SDE2: variants seen among roughly 807,000 people sequenced by gnomAD.
SDE2 encodes the protein spliceosome associated SDE2.
A neutral mutation model predicts 46.9 loss-of-function variants in SDE2; 31 were observed. The observed-to-expected ratio is 0.66, with a 90% confidence interval of 0.50 to 0.89. The LOEUF (loss-of-function observed/expected upper bound fraction) is 0.89. Ranked by LOEUF, SDE2 falls within the 40% of genes least tolerant of loss-of-function variation. SDE2 has a pLI of 0.00. For synonymous variants in SDE2, 205 were observed against 204.3 expected (o/e 1.00, Z -0.03); for missense variants, 542 against 564.4 (o/e 0.96, Z 0.40).
chr1:225,999,272 C>A lies in SDE2; in HGVS notation c.41G>T (p.Gly14Val). The stretch of plus-strand genomic sequence containing the variant: ...ACACCGCACCGCCTTGCACCCGAAG[C>A]CAGGGCCGCGAATCCACACCAGCGC... ...AAALVWIRGP[G>V]FGCKAVRCAS... Residue 14 changes from glycine to valine, a missense_variant, in exon 1 of 7, where the codon GGC becomes GTC. Coordinates refer to ENST00000272091, the MANE Select transcript of SDE2 (RefSeq NM_152608.4). 1 of 1,612,822 alleles carries A rather than the reference C, an allele frequency of 6.2e-7. No homozygotes were observed. The highest frequency in any genetic ancestry group is 1.1e-5 in the South Asian group (1 of 90,952).
At chr1:225,995,430 T>A in intron 1 of SDE2, 47 bp from the exon 2 acceptor site, 1 of 964,800 alleles carries the variant, frequency 1.0e-6, no homozygotes, top group Non-Finnish European at 1.7e-6. Context: ...GATAATAATC[T>A]AAGTTTGTTA....
At chr1:225,987,510 G>A (rs1460652396) in intron 6 of SDE2, among the ~76,000 whole-genome samples, 2 of 152,030 alleles carry the variant, frequency 1.3e-5, no homozygotes, top group Non-Finnish European at 2.9e-5. Flanking sequence ...ATTTAGTGAC[G>A]GGAAAAATGA....
chr1:225,993,104 C>A, intron 2 of SDE2, 102 bp from the exon 3 acceptor site: 10 of 453,642 alleles, frequency 2.2e-5, no homozygotes, highest in East Asian at 3.9e-5. Context: ...ACAATGATCT[C>A]TACTTTCTTT....
chr1:225,993,577 A>G (rs1267470256), intron 2 of SDE2, among the ~76,000 whole-genome samples: 1 of 151,278 alleles, frequency 6.6e-6, no homozygotes, highest in Non-Finnish European at 1.5e-5. Flanking sequence ...GTGCCACTGC[A>G]CTCCAGCCTG....
intron 5 of SDE2, among the ~76,000 whole-genome samples, chr1:225,989,025 G>A (rs573931768): frequency 3.3e-5 from 5 of 152,198 alleles, no homozygotes; most frequent in East Asian, 1.9e-4. Context: ...TTGGCCGGGC[G>A]TGGTGGCTCA....
In SDE2 at chr1:225,992,476, T is replaced by C. The variant is rs376970169; in HGVS notation, c.442A>G (p.Lys148Glu). The C allele has an allele frequency of 6.2e-7, 1 of 1,613,532 alleles. No homozygotes were observed. Among genetic ancestry groups the C allele is most frequent in the Non-Finnish European group, 8.5e-7 (1 of 1,179,790 alleles). The change falls in exon 4 of 7, where the codon AAG (lysine) becomes GAG (glutamate). Residue 148 changes from lysine to glutamate, a missense_variant. By Grantham distance (56) the Lys-to-Glu change is moderately conservative. Transcript: ENST00000272091. ...ERLQRKLVEP[K>E]HCFTSPDYQQ... ...TAGTCGGGGCTGGTGAAGCAGTGCT[T>C]GGGTTCTACAAGCTTCCGCTGCAGT...
chr1:225,995,602 G>A (rs1656504335), intron 1 of SDE2, among the ~76,000 whole-genome samples: 1 of 152,228 alleles, frequency 6.6e-6, no homozygotes, highest in East Asian at 1.9e-4. Flanking sequence ...ATCACATATA[G>A]AAGAAACTTC....
chr1:225,987,053 T>C (rs1420270326), intron 6 of SDE2, among the ~76,000 whole-genome samples: 1 of 152,190 alleles, frequency 6.6e-6, no homozygotes, highest in Admixed American at 6.5e-5. Flanking sequence ...TTTTTATTAT[T>C]ATTTTTTGAG....
Position 225,987,886 on chromosome 1 carries a change from A to G in SDE2, c.1134+10T>C. ...TTTGGCTCTAGGTATCAACCCCAAA[A>G]CATACTTACTGCGTTTCCTGGCTGG... is the stretch of plus-strand genomic sequence containing the variant. On this transcript the variant is annotated intron_variant, in intron 6 of 6. Transcript: ENST00000272091. 1 of 1,605,158 alleles carries G rather than the reference A, an allele frequency of 6.2e-7. No individual in the cohort carries two copies. The highest frequency in any genetic ancestry group is 8.5e-7 in the Non-Finnish European group (1 of 1,176,590).
At chr1:225,995,152 G>T (rs561313593) in intron 2 of SDE2, 114 bp downstream of exon 2, 5 of 628,398 alleles carry the variant, frequency 8.0e-6, no homozygotes, top group Non-Finnish European at 1.4e-5. Flanking sequence ...GACTAAGAAG[G>T]TTGTTAATTT....
In SDE2 at chr1:225,982,738, T is replaced by C. The variant is rs1289798353; in HGVS notation, c.*2564A>G. 6.6e-6 allele frequency: 1 copy of C among 152,158 alleles called. No individual in the cohort carries two copies. The highest frequency in any genetic ancestry group is 1.5e-5 in the Non-Finnish European group (1 of 68,014). The allele number at this position is 152,158 out of a possible 1,614,324, so 9.4% of individuals were successfully genotyped here. A position where few individuals can be genotyped will look rare whatever the true frequency, so the allele number is the denominator to read the frequency against. On this transcript the variant is annotated 3_prime_UTR_variant, in exon 7 of 7. Transcript: ENST00000272091. ...ATACAAAAGATTTTATTTTTTCCTC[T>C]TAATTTCTTTAAAATACATATCATT... is the stretch of plus-strand genomic sequence containing the variant.
Position 225,991,347 on chromosome 1 carries a change from G to A in SDE2, c.537C>T (p.Ser179=), listed in dbSNP as rs1285067280. The change falls in exon 5 of 7, where the codon TCC becomes TCT. Residue 179 remains serine, a synonymous_variant. Coordinates refer to ENST00000272091, the MANE Select transcript of SDE2 (RefSeq NM_152608.4). ...DSVLKGMQAA[S]SKMVSAEISE... ...TGATTTCTGCTGAAACCATCTTGCTGGAGGCAGCCTGCATACCTAACCAGA... is the reference window on the plus strand; with the variant it reads ...TGATTTCTGCTGAAACCATCTTGCTAGAGGCAGCCTGCATACCTAACCAGA... 1.9e-6 allele frequency: 3 copies of A among 1,613,714 alleles called. No individual in the cohort carries two copies. In the Admixed American group the frequency reaches 5.0e-5, roughly 27 times the overall value.
chr1:225,987,790 G>A (rs987401442), intron 6 of SDE2, 106 bp downstream of exon 6: 2 of 1,032,054 alleles, frequency 1.9e-6, no homozygotes, highest in African/African-American at 3.2e-5. Context: ...AATCAAATAA[G>A]CCTTTCACTA....
chr1:225,982,965 T>C lies in SDE2; in HGVS notation c.*2337A>G, dbSNP rs554788689. On this transcript the variant is annotated 3_prime_UTR_variant, in exon 7 of 7. Transcript: ENST00000272091. ...AATGTATATTGTAATCACTAGAACATCCAACTTAAAAAAATTATTAAAACA... is the reference window on the plus strand; with the variant it reads ...AATGTATATTGTAATCACTAGAACACCCAACTTAAAAAAATTATTAAAACA... 3 of 151,902 alleles carry C rather than the reference T, an allele frequency of 2.0e-5. No individual in the cohort carries two copies. Among genetic ancestry groups the C allele is most frequent in the Non-Finnish European group, 2.9e-5 (2 of 67,966 alleles). The allele number at this position is 151,902 out of a possible 1,614,324, so 9.4% of individuals were successfully genotyped here.
Position 225,985,198 on chromosome 1 carries a change from A to G in SDE2, c.*104T>C. ...GGGATAGTTAGAATTGGGTTACTAA[A>G]AAGTTAGCTTTTAATATCAACAGGA... is the stretch of plus-strand genomic sequence containing the variant. On this transcript the variant is annotated 3_prime_UTR_variant, in exon 7 of 7. Transcript: ENST00000272091. The G allele has an allele frequency of 1.2e-6, 1 of 862,316 alleles. No individual in the cohort carries two copies. Among genetic ancestry groups the G allele is most frequent in the Admixed American group, 2.3e-5 (1 of 43,802 alleles). 53.4% of individuals were successfully genotyped at this position (862,316 alleles called of 1,614,324 possible). A position where few individuals can be genotyped will look rare whatever the true frequency, so the allele number is the denominator to read the frequency against.
chr1:225,991,634 T>C lies in SDE2; in HGVS notation c.521-271A>G, dbSNP rs532437365. ...CCAGCCCTCCCCAAACCTAATTATT[T>C]ATCCCTGCGTTAGTTATTTGCATAC... On this transcript the variant is annotated intron_variant, in intron 4 of 6. Transcript: ENST00000272091. Among the ~76,000 whole-genome samples the C allele has an allele frequency of 2.5e-4, 38 of 152,318 alleles. 1 individual carries two copies. The highest frequency in any genetic ancestry group is 9.1e-4 in the African/African-American group (38 of 41,578).
Position 225,995,395 on chromosome 1 carries a change from T to C in SDE2, c.121-12A>G, listed in dbSNP as rs1220769875. The C allele has an allele frequency of 1.3e-6, 2 of 1,507,898 alleles. No individual in the cohort carries two copies. The highest frequency in any genetic ancestry group is 2.3e-5 in the East Asian group (1 of 44,362). The allele number at this position is 1,507,898 out of a possible 1,614,324, so 93.4% of individuals were successfully genotyped here. A position where few individuals can be genotyped will look rare whatever the true frequency, so the allele number is the denominator to read the frequency against. On this transcript the variant is annotated splice_polypyrimidine_tract_variant and intron_variant, in intron 1 of 6. Transcript: ENST00000272091. The stretch of plus-strand genomic sequence containing the variant: ...TCCACTGGAACATTCTAGAGACAAA[T>C]TTGTTTTTTTAATGCCTTTTATGAG...
intron 1 of SDE2, among the ~76,000 whole-genome samples, chr1:225,998,777 T>A (rs1348043370): frequency 1.3e-5 from 2 of 152,170 alleles, no homozygotes; most frequent in African/African-American, 2.4e-5. Flanking sequence ...TATGACATAC[T>A]TCTCTAGGCT....
intron 1 of SDE2, among the ~76,000 whole-genome samples, chr1:225,997,569 A>G (rs1414435635): frequency 6.6e-6 from 1 of 151,984 alleles, no homozygotes; most frequent in Non-Finnish European, 1.5e-5. Flanking sequence ...AGCTGGGATT[A>G]CAGGCGTCTG....
Sources: allele counts gnomAD v4.1 joint callset (sites outside exome capture counted in the v4.1 genomes callset), GRCh38; gene constraint gnomAD v4.1.1; transcripts MANE v1.5; gene names NCBI Gene and HGNC (gene_info 2026-07-23, HGNC 2026-07-21).